The following NFX1 variants were observed in gnomAD, a reference collection of about 807,000 sequenced individuals.
The protein encoded by NFX1 is transcriptional repressor NF-X1.
NFX1 carries 69 observed loss-of-function variants against 137.2 expected under a neutral mutation model. That is an observed-to-expected ratio of 0.50 (90% CI 0.41 to 0.61). The LOEUF is 0.61. Ranked by LOEUF, NFX1 falls within the 20% of genes least tolerant of loss-of-function variation. NFX1 has a pLI of 0.00. For synonymous variants in NFX1, 495 were observed against 474.1 expected, an observed-to-expected ratio of 1.04 and a Z score of -0.57; for missense variants, 1,167 against 1,391.0, an observed-to-expected ratio of 0.84 and a Z score of 2.56.
chr9:33,290,613 G>A lies in NFX1; in HGVS notation c.25+16G>A, dbSNP rs114721168. The A allele has an allele frequency of 9.0e-4, 1,447 of 1,611,198 alleles. 9 individuals carry two copies. In the African/African-American group the frequency reaches 0.014, roughly 16 times the overall value. On this transcript the variant is annotated intron_variant, in intron 1 of 23. Coordinates refer to ENST00000379540, the MANE Select transcript of NFX1 (RefSeq NM_002504.6). ...CCTGTCTCAGGTATTGTCCCGGCCC[G>A]AGCGGGACTGGGCCCCTTTCAGGGA... is the stretch of plus-strand genomic sequence containing the variant.
At chr9:33,299,857 T>C (rs1821489523) in intron 2 of NFX1, among the ~76,000 whole-genome samples, 1 of 152,188 alleles carries the variant, frequency 6.6e-6, no homozygotes, top group Non-Finnish European at 1.5e-5. Flanking sequence ...CAGGGTGTTC[T>C]CTATTTCTTT....
intron 9 of NFX1, among the ~76,000 whole-genome samples, chr9:33,325,944 A>G (rs1822569664): frequency 6.6e-6 from 1 of 152,202 alleles, no homozygotes; most frequent in Non-Finnish European, 1.5e-5. Flanking sequence ...AAACAACTGT[A>G]TAAAATAATA....
chr9:33,301,648 G>T (rs980460620), intron 3 of NFX1, among the ~76,000 whole-genome samples: 2 of 152,114 alleles, frequency 1.3e-5, no homozygotes, highest in Non-Finnish European at 2.9e-5. Flanking sequence ...GACAAAATCA[G>T]TCACTCTTAT....
At chr9:33,332,858 C>T (rs191662830) in intron 11 of NFX1, among the ~76,000 whole-genome samples, 98 of 151,818 alleles carry the variant, frequency 6.5e-4, no homozygotes, top group Admixed American at 1.1e-3. Flanking sequence ...TTTTCTTTTT[C>T]CTTTTGAGAC....
At position 33,311,207 on chromosome 9, in the gene NFX1, C is replaced by T. The variant is rs1441447724; in HGVS notation, c.1448+30C>T. On this transcript the variant is annotated intron_variant, in intron 6 of 23. Transcript: ENST00000379540. ...AGTTAAAATTACACCCTAAAGAAGA[C>T]CTCAGTTTTCACATGCATGATTGAC... 10 of 1,587,078 alleles carry T rather than the reference C, an allele frequency of 6.3e-6. No homozygotes were observed. The Admixed American group carries it at 1.3e-4, about 21-fold the overall frequency.
chr9:33,340,220 A>G (rs1823168355), intron 12 of NFX1, among the ~76,000 whole-genome samples: 1 of 152,148 alleles, frequency 6.6e-6, no homozygotes, highest in South Asian at 2.1e-4. Context: ...ATTTCCATAC[A>G]TCTTTTGAAA....
At chr9:33,329,261 A>G (rs1257232090) in intron 10 of NFX1, among the ~76,000 whole-genome samples, 3 of 152,212 alleles carry the variant, frequency 2.0e-5, no homozygotes, top group Admixed American at 6.6e-5. Flanking sequence ...AATATTGCCA[A>G]CCAGGAAAGT....
At chr9:33,307,971 T>A (rs1821819640) in intron 5 of NFX1, among the ~76,000 whole-genome samples, 1 of 150,820 alleles carries the variant, frequency 6.6e-6, no homozygotes, top group South Asian at 2.1e-4. Flanking sequence ...GCCTGGCTAA[T>A]TTTTGTATGT....
rs1326359479 is a variant in NFX1 at position 33,295,026 on chromosome 9, T to C, written c.632T>C (p.Val211Ala). 6.2e-7 allele frequency: 1 copy of C among 1,614,082 alleles called. No individual in the cohort carries two copies. Among genetic ancestry groups the C allele is most frequent in the East Asian group, 2.2e-5 (1 of 44,888 alleles). ...GCTGGACCCGAAAGTACCAAACCTG[T>C]GGGGGTTTTCCACCCTGACTCTTCA... is the stretch of plus-strand genomic sequence containing the variant. ...EDAGPESTKP[V>A]GVFHPDSSEA... Residue 211 changes from valine to alanine, a missense_variant, in exon 2 of 24, where the codon GTG (valine) becomes GCG (alanine). By Grantham distance (64) the Val-to-Ala change is moderately conservative. This residue lies in a region of NFX1 where 367 missense variants were observed against 386.7 expected (regional missense o/e 0.95). Transcript: ENST00000379540.
chr9:33,305,585 T>C (rs1273150445), intron 4 of NFX1, among the ~76,000 whole-genome samples: 5 of 152,144 alleles, frequency 3.3e-5, no homozygotes, highest in African/African-American at 4.8e-5. Context: ...GTGAGTAGAG[T>C]ATTTTGGAGC....
intron 1 of NFX1, among the ~76,000 whole-genome samples, chr9:33,292,399 T>C (rs1458376539): frequency 6.6e-6 from 1 of 152,240 alleles, no homozygotes; most frequent in Non-Finnish European, 1.5e-5. Flanking sequence ...CAGCCTTGTC[T>C]CTGGACTTTG....
At chr9:33,307,436 C>A in intron 5 of NFX1, 137 bp downstream of exon 5, 1 of 692,072 alleles carries the variant, frequency 1.4e-6, no homozygotes. Context: ...TCTCAAATCA[C>A]CCTGTGCCAG....
Position 33,364,044 on chromosome 9 carries a change from T to A in NFX1, c.2908T>A (p.Ser970Thr). 1 of 1,604,276 alleles carries A rather than the reference T, an allele frequency of 6.2e-7. No individual in the cohort carries two copies. Among genetic ancestry groups the A allele is most frequent in the African/African-American group, 1.3e-5 (1 of 74,552 alleles). Residue 970 changes from serine (S) to threonine (T), a missense_variant, in exon 20 of 24, where the codon TCT (serine) becomes ACT (threonine). Around this residue, in one of 3 missense-constraint regions of NFX1, gnomAD observed 312 missense variants for 312.8 expected, o/e 1.00. Transcript: ENST00000379540. The part of the protein sequence containing the change: ...LAEAFHISED[S>T]DPFNIRSSGS... ...AGAGGCATTTCATATCAGTGAGGAT[T>A]CTGATCCTTTCAATATACGTTCTTC...
At chr9:33,367,354 G>A (rs866213392) in intron 22 of NFX1, among the ~76,000 whole-genome samples, 161 bp from the exon 23 acceptor site, 2 of 152,166 alleles carry the variant, frequency 1.3e-5, no homozygotes, top group Non-Finnish European at 2.9e-5. Context: ...GGAAGGGACA[G>A]GGGGTTAAAT....
chr9:33,317,604 C>T (rs1364922236), intron 7 of NFX1, among the ~76,000 whole-genome samples: 1 of 150,658 alleles, frequency 6.6e-6, no homozygotes, highest in Non-Finnish European at 1.5e-5. Flanking sequence ...GTCGAGGCCG[C>T]AGTAAGCTGT....
chr9:33,291,364 T>G (rs1821154092), intron 1 of NFX1, among the ~76,000 whole-genome samples: 1 of 152,224 alleles, frequency 6.6e-6, no homozygotes, highest in Non-Finnish European at 1.5e-5. Context: ...GTTGGTTGGT[T>G]TGTTTTACAA....
intron 15 of NFX1, among the ~76,000 whole-genome samples, chr9:33,348,909 GC>G (rs1201493372): frequency 6.6e-6 from 1 of 151,892 alleles, no homozygotes; most frequent in Non-Finnish European, 1.5e-5. Flanking sequence ...TTTGTAACCT[GC>G]TTTTTTTGCA....
chr9:33,356,757 A>G (rs1564146138), intron 19 of NFX1, among the ~76,000 whole-genome samples: 1 of 151,876 alleles, frequency 6.6e-6, no homozygotes. Flanking sequence ...TTTTCCCAGC[A>G]CTCTGCAGTG....
chr9:33,312,494 G>A (rs1821996525), intron 6 of NFX1, among the ~76,000 whole-genome samples: 1 of 152,244 alleles, frequency 6.6e-6, no homozygotes, highest in Non-Finnish European at 1.5e-5. Context: ...AGTCAGGGAT[G>A]AAATAAAACT....
Sources: gnomAD v4.1 joint callset for allele counts (sites outside exome capture counted in the v4.1 genomes callset) on GRCh38, gnomAD v4.1.1 for gene constraint, gnomAD v4.1.1 regional missense constraint, MANE v1.5 for transcripts, NCBI Gene and HGNC (gene_info 2026-07-23, HGNC 2026-07-21) for gene names.